TRPC5: variants seen among roughly 807,000 people sequenced by gnomAD.
TRPC5 encodes transient receptor potential cation channel subfamily C member 5, also known as short transient receptor potential channel 5.
TRPC5 carries 9 observed loss-of-function variants against 56.5 expected under a neutral mutation model. The ratio of observed to expected loss-of-function variants is 0.16; its 90% CI spans 0.10 to 0.28. TRPC5 has a LOEUF of 0.28. Ranked by LOEUF, TRPC5 falls within the 10% of genes least tolerant of loss-of-function variation. The pLI, the probability that TRPC5 is intolerant of heterozygous loss-of-function variation, is 1.00. For missense variants in TRPC5, 469 were observed against 748.9 expected (o/e 0.63, Z 4.36); for synonymous variants, 282 against 278.5 (o/e 1.01, Z -0.13).
chrX:112,042,638 G>A (rs764543748), intron 1 of TRPC5, among the ~76,000 whole-genome samples: 1 of 111,055 alleles, frequency 9.0e-6, no homozygotes, highest in East Asian at 2.8e-4. Flanking sequence ...GCCCTCTTCG[G>A]TTCCCAACAC....
chrX:111,823,261 C>A (rs1011686979), intron 7 of TRPC5, among the ~76,000 whole-genome samples: 1 of 111,495 alleles, frequency 9.0e-6, no homozygotes, highest in Admixed American at 9.5e-5. Flanking sequence ...AGGGGGAGGG[C>A]CAGGCCAGGC....
Position 111,773,228 on chromosome X carries a change from A to G in TRPC5, c.*3085T>C, listed in dbSNP as rs962661804. 1.8e-5 allele frequency among the ~76,000 whole-genome samples: 2 copies of G among 111,978 alleles called. No individual in the cohort carries two copies. Among genetic ancestry groups the G allele is most frequent in the African/African-American group, 6.5e-5 (2 of 30,847 alleles). On this transcript the variant is annotated 3_prime_UTR_variant, in exon 11 of 11. Transcript: ENST00000262839. Reference sequence around the variant, plus strand: ...TTTGGCATTTTCCGAAAATGATTTTAAATTTAGTCTTTCCTCTGTATTTCA... The same window carrying G: ...TTTGGCATTTTCCGAAAATGATTTTGAATTTAGTCTTTCCTCTGTATTTCA...
intron 7 of TRPC5, among the ~76,000 whole-genome samples, chrX:111,794,242 C>A (rs192694469): frequency 9.0e-6 from 1 of 111,378 alleles, no homozygotes; most frequent in African/African-American, 3.3e-5. Flanking sequence ...AAGAAAAAAT[C>A]AGTTGGGGAT....
rs146018790 is a variant in TRPC5, at chrX:112,063,655, T to C, written c.-22+18224A>G. 7.0e-4 allele frequency among the ~76,000 whole-genome samples: 78 copies of C among 112,215 alleles called. 3 individuals carry two copies. In the East Asian group the frequency reaches 0.02, roughly 28 times the overall value. ...CCTCACAGGGGACTGGGTTCAGTAG[T>C]GTATGCTTGCATGAATTCTTTGAAG... On this transcript the variant is annotated intron_variant, in intron 1 of 10. Coordinates refer to ENST00000262839, the MANE Select transcript of TRPC5 (RefSeq NM_012471.3).
chrX:111,822,793 G>A (rs928886992), intron 7 of TRPC5, among the ~76,000 whole-genome samples: 2 of 112,033 alleles, frequency 1.8e-5, no homozygotes, highest in African/African-American at 6.5e-5. Context: ...ACATCAGCCG[G>A]TAGATGGGGA....
chrX:112,014,316 G>T (rs950537083), intron 1 of TRPC5, among the ~76,000 whole-genome samples: 1 of 112,529 alleles, frequency 8.9e-6, no homozygotes, highest in African/African-American at 3.2e-5. Context: ...TGCAGAAATA[G>T]CTTCCAGATT....
intron 10 of TRPC5, among the ~76,000 whole-genome samples, chrX:111,778,303 T>G (rs1945894346): frequency 9.0e-6 from 1 of 111,074 alleles, no homozygotes; most frequent in African/African-American, 3.3e-5. Context: ...AATAAAAAAA[T>G]TAAAAAATAT....
chrX:112,018,665 A>G (rs1028511049), intron 1 of TRPC5, among the ~76,000 whole-genome samples: 1 of 112,561 alleles, frequency 8.9e-6, no homozygotes, highest in African/African-American at 3.2e-5. Flanking sequence ...CATAAAAATT[A>G]GTAAAACTTA....
At chrX:111,956,205 G>C (rs1452171217) in intron 1 of TRPC5, among the ~76,000 whole-genome samples, 1 of 112,520 alleles carries the variant, frequency 8.9e-6, no homozygotes, top group Non-Finnish European at 1.9e-5. Context: ...GGAAAGGCTG[G>C]CTTTCTACCT....
At chrX:111,898,514 G>T (rs2148612385) in intron 3 of TRPC5, among the ~76,000 whole-genome samples, 1 of 109,008 alleles carries the variant, frequency 9.2e-6, no homozygotes, top group African/African-American at 3.3e-5. Flanking sequence ...GCTGAAAGTT[G>T]TTCCTCCCTC....
intron 1 of TRPC5, among the ~76,000 whole-genome samples, chrX:111,995,395 A>G (rs1168634959): frequency 8.9e-6 from 1 of 111,881 alleles, no homozygotes; most frequent in African/African-American, 3.3e-5. Flanking sequence ...TTTCACATCG[A>G]TGTTCATCAG....
At chrX:112,014,278 A>G (rs1362041984) in intron 1 of TRPC5, among the ~76,000 whole-genome samples, 2 of 112,253 alleles carry the variant, frequency 1.8e-5, no homozygotes, top group Non-Finnish European at 3.8e-5. Context: ...GGGAGATAGT[A>G]CCTCAGTTTT....
chrX:111,770,994 AGGGCAAATATGCTGAAAAAT>A lies in TRPC5; in HGVS notation c.*5299_*5318del, dbSNP rs1945840353. Among the ~76,000 whole-genome samples the A allele has an allele frequency of 8.9e-6, 1 of 112,071 alleles. No individual in the cohort carries two copies. The highest frequency in any genetic ancestry group is 1.9e-5 in the Non-Finnish European group (1 of 53,220). On this transcript the variant is annotated 3_prime_UTR_variant, in exon 11 of 11. Coordinates refer to ENST00000262839, the MANE Select transcript of TRPC5 (RefSeq NM_012471.3). The stretch of plus-strand genomic sequence containing the variant: ...TTGCCCCAAAACCTGCTAAAGTCAA[AGGGCAAATATGCTGAAAAAT>A]GGTGAAAATGACCTTCACGTTGCAA...
At chrX:112,056,551 A>G (rs1268081634) in intron 1 of TRPC5, among the ~76,000 whole-genome samples, 1 of 112,183 alleles carries the variant, frequency 8.9e-6, no homozygotes, top group Non-Finnish European at 1.9e-5. Context: ...CAGTTATAAA[A>G]TGAAAGGAGT....
In TRPC5 at chrX:111,925,084, G is replaced by A. The variant is rs754154467; in HGVS notation, c.379-12272C>T. The stretch of plus-strand genomic sequence containing the variant: ...TTCAGTTTCTCCAAGCTCAGATATA[G>A]GAGAAGAAATATGGGTTTATGATTT... On this transcript the variant is annotated intron_variant, in intron 2 of 10. Coordinates refer to ENST00000262839, the MANE Select transcript of TRPC5 (RefSeq NM_012471.3). Among the ~76,000 whole-genome samples, 4 of 112,771 alleles carry A rather than the reference G, an allele frequency of 3.5e-5. No homozygotes were observed. The South Asian group carries it at 1.5e-3, about 42-fold the overall frequency.
At chrX:111,831,412 G>T (rs1386564626) in intron 7 of TRPC5, among the ~76,000 whole-genome samples, 1 of 112,077 alleles carries the variant, frequency 8.9e-6, no homozygotes, top group Non-Finnish European at 1.9e-5. Context: ...ATGACTGGGG[G>T]TGGGTGGGGA....
intron 3 of TRPC5, among the ~76,000 whole-genome samples, chrX:111,865,575 C>T (rs1410772145): frequency 9.0e-6 from 1 of 110,795 alleles, no homozygotes; most frequent in African/African-American, 3.3e-5. Flanking sequence ...ATCTGCCCAC[C>T]TTGGCCTCCC....
chrX:112,029,580 G>A (rs6655167), intron 1 of TRPC5, among the ~76,000 whole-genome samples: 22,671 of 110,666 alleles, frequency 0.2, 2,446 homozygotes, highest in African/African-American at 0.41. Flanking sequence ...GCTGATCTCC[G>A]TAGTGGTTGT....
At chrX:111,994,284 C>T (rs985134889) in intron 1 of TRPC5, among the ~76,000 whole-genome samples, 1 of 111,610 alleles carries the variant, frequency 9.0e-6, no homozygotes, top group Non-Finnish European at 1.9e-5. Context: ...GTACCATTAC[C>T]ATGCTGTTTT....
Sources: gnomAD v4.1 joint callset for allele counts (sites outside exome capture counted in the v4.1 genomes callset) on GRCh38, gnomAD v4.1.1 for gene constraint, MANE v1.5 for transcripts, NCBI Gene and HGNC (gene_info 2026-07-23, HGNC 2026-07-21) for gene names.